NR5A1: variants seen among roughly 807,000 people sequenced by gnomAD.
The protein encoded by NR5A1 is nuclear receptor subfamily 5 group A member 1.
In NR5A1, 6 loss-of-function variants were observed where a neutral mutation model predicts 42.7. That is an observed-to-expected ratio of 0.14 (90% CI 0.08 to 0.28). NR5A1 has a LOEUF of 0.28. Ranked by LOEUF, NR5A1 falls within the 10% of genes least tolerant of loss-of-function variation. The pLI, the probability that NR5A1 is intolerant of heterozygous loss-of-function variation, is 1.00. For synonymous variants in NR5A1, 274 were observed against 277.5 expected, an observed-to-expected ratio of 0.99 and a Z score of 0.12; for missense variants, 442 against 626.4, an observed-to-expected ratio of 0.71 and a Z score of 3.14.
At chr9:124,506,142 C>G (rs1326515046) in intron 1 of NR5A1, among the ~76,000 whole-genome samples, 4 of 152,232 alleles carry the variant, frequency 2.6e-5, no homozygotes, top group Non-Finnish European at 5.9e-5. Flanking sequence ...CAGAGAACCC[C>G]CCGCGCAGAC....
chr9:124,503,279 G>A lies in NR5A1; in HGVS notation c.102+15C>T, dbSNP rs1832496080. 2 of 1,607,764 alleles carry A rather than the reference G, an allele frequency of 1.2e-6. No individual in the cohort carries two copies. The highest frequency in any genetic ancestry group is 1.7e-5 in the Admixed American group (1 of 59,498). On this transcript the variant is annotated intron_variant, in intron 2 of 6. Coordinates refer to ENST00000373588, the MANE Select transcript of NR5A1 (RefSeq NM_004959.5). The surrounding 1 kb of genome is among the most constrained non-coding windows in gnomAD (Gnocchi z 9.6). ...CGCCCGTCTGCCGCACCCCTGCCGC[G>A]CGCTCGCCGCTCACCTTGCAGCTCT...
chr9:124,489,077 AGAGAAG>A (rs1832264640), intron 6 of NR5A1, among the ~76,000 whole-genome samples: 1 of 152,256 alleles, frequency 6.6e-6, no homozygotes, highest in Non-Finnish European at 1.5e-5. Context: ...CTTAAGTCCC[AGAGAAG>A]GAGAAGTCCT....
rs994537016 is a variant in NR5A1 at position 124,500,346 on chromosome 9, G to A, written c.614C>T (p.Pro205Leu). 1.9e-6 allele frequency: 3 copies of A among 1,556,430 alleles called. No individual in the cohort carries two copies. The highest frequency in any genetic ancestry group is 2.7e-5 in the African/African-American group (2 of 73,382). ...SEYPEPYASP[P>L]QPGLPYGYPE... ...GTAGCCGTACGGCAGCCCAGGCTGTGGGGGGCTGGCATAAGGCTCCGGGTA... is the reference window on the plus strand; with the variant it reads ...GTAGCCGTACGGCAGCCCAGGCTGTAGGGGGCTGGCATAAGGCTCCGGGTA... The change falls in exon 4 of 7, where the codon CCA becomes CTA. Residue 205 changes from proline (P) to leucine (L), a missense_variant. Physicochemically the swap from Pro to Leu is moderately conservative, Grantham distance 98. Around this residue, in one of 3 missense-constraint regions of NR5A1, gnomAD observed 208 missense variants for 203.8 expected, o/e 1.02. Coordinates refer to ENST00000373588, the MANE Select transcript of NR5A1 (RefSeq NM_004959.5). This position sits in a 1 kb window ranked among gnomAD's most constrained non-coding sequence, Gnocchi z 6.9.
At chr9:124,487,938 G>A (rs925598599) in intron 6 of NR5A1, among the ~76,000 whole-genome samples, 1 of 152,162 alleles carries the variant, frequency 6.6e-6, no homozygotes, top group African/African-American at 2.4e-5. Context: ...GATAAAATGC[G>A]AATTTCATCA....
At chr9:124,502,983 G>T (rs899463881) in intron 3 of NR5A1, 96 bp downstream of exon 3, 3 of 1,452,330 alleles carry the variant, frequency 2.1e-6, no homozygotes, top group Non-Finnish European at 2.7e-6. Flanking sequence ...CCTTCGCGAA[G>T]GCCAATGGTA....
rs113148818 is a variant in NR5A1 at position 124,495,448 on chromosome 9, C to G, written c.871-2299G>C. ...ACAGAGGCCTGCCGGAGGCAACACTCGGGCTTCAGGCAGCTGGGCTCTGCC... is the reference window on the plus strand; with the variant it reads ...ACAGAGGCCTGCCGGAGGCAACACTGGGGCTTCAGGCAGCTGGGCTCTGCC... On this transcript the variant is annotated intron_variant, in intron 4 of 6. Transcript: ENST00000373588. Among the ~76,000 whole-genome samples the G allele has an allele frequency of 4.7e-3, 712 of 152,350 alleles. 5 individuals are homozygous for G. Among genetic ancestry groups the G allele is most frequent in the African/African-American group, 0.016 (662 of 41,582 alleles).
chr9:124,503,144 G>A lies in NR5A1; in HGVS notation c.179C>T (p.Thr60Met), dbSNP rs1198949266. Reference sequence around the variant, plus strand: ...GCAGAAGGGACAGCGCTTGCGCTGCGTCTTGTCGATCTTGCAGCTCTGGCT... The same window carrying A: ...GCAGAAGGGACAGCGCTTGCGCTGCATCTTGTCGATCTTGCAGCTCTGGCT... The part of the protein sequence containing the change: ...TESQSCKIDK[T>M]QRKRCPFCRF... The change falls in exon 3 of 7, where the codon ACG (threonine) becomes ATG (methionine). Residue 60 changes from threonine (T) to methionine (M), a missense_variant. Thr to Met is a moderately conservative substitution (Grantham distance 81). Transcript: ENST00000373588. The surrounding 1 kb of genome is among the most constrained non-coding windows in gnomAD (Gnocchi z 9.6). 6.3e-7 allele frequency: 1 copy of A among 1,598,590 alleles called. No homozygotes were observed.
chr9:124,482,722 C>A lies in NR5A1; in HGVS notation c.*36G>T. The stretch of plus-strand genomic sequence containing the variant: ...GCCCCGCCCAGGCCCCGCCCCCAGT[C>A]CCGCCCCCAGTCCCGGCCCCGCCCC... On this transcript the variant is annotated 3_prime_UTR_variant, in exon 7 of 7. Coordinates refer to ENST00000373588, the MANE Select transcript of NR5A1 (RefSeq NM_004959.5). 1 of 364,166 alleles carries A rather than the reference C, an allele frequency of 2.7e-6. No individual in the cohort carries two copies. Among genetic ancestry groups the A allele is most frequent in the Non-Finnish European group, 5.3e-6 (1 of 189,702 alleles). 22.6% of individuals were successfully genotyped at this position (364,166 alleles called of 1,614,324 possible). A position where few individuals can be genotyped will look rare whatever the true frequency, so the allele number is the denominator to read the frequency against.
chr9:124,491,036 C>CCCCCCCCTGGGGG, intron 6 of NR5A1, 45 bp downstream of exon 6: 1 of 1,401,600 alleles, frequency 7.1e-7, no homozygotes, highest in Non-Finnish European at 9.6e-7. Flanking sequence ...CCCACCCACC[C>CCCCCCCCTGGGGG]GCCTCTGGCT....
At chr9:124,490,653 G>A (rs1238457623) in intron 6 of NR5A1, among the ~76,000 whole-genome samples, 1 of 152,080 alleles carries the variant, frequency 6.6e-6, no homozygotes, top group Non-Finnish European at 1.5e-5. Context: ...GGCTTGGGGG[G>A]TTTTTGCTCA....
chr9:124,503,910 G>C lies in NR5A1; in HGVS notation c.-15-500C>G, dbSNP rs1047922021. Among the ~76,000 whole-genome samples, 45 of 152,078 alleles carry C rather than the reference G, an allele frequency of 3.0e-4. No individual in the cohort carries two copies. The highest frequency in any genetic ancestry group is 5.7e-4 in the Non-Finnish European group (39 of 68,008). On this transcript the variant is annotated intron_variant, in intron 1 of 6. Transcript: ENST00000373588. This position sits in a 1 kb window ranked among gnomAD's most constrained non-coding sequence, Gnocchi z 9.6. Reference sequence around the variant, plus strand: ...GCGAGAGACAACGACCGACGCCACCGGGCGCAGACACGAGGCCAGTCCGAG... The same window carrying C: ...GCGAGAGACAACGACCGACGCCACCCGGCGCAGACACGAGGCCAGTCCGAG...
Position 124,499,961 on chromosome 9 carries a change from C to A in NR5A1, c.870+129G>T. ...ATGCTCCTTAATGTCCCCAGGGTGG[C>A]CTCCGGGTCCCCAGGTACTGCCTGA... On this transcript the variant is annotated intron_variant, in intron 4 of 6. Coordinates refer to ENST00000373588, the MANE Select transcript of NR5A1 (RefSeq NM_004959.5). 2.9e-6 allele frequency: 4 copies of A among 1,371,444 alleles called. No homozygotes were observed. In the South Asian group the frequency reaches 4.8e-5, roughly 16 times the overall value. 85.0% of individuals were successfully genotyped at this position (1,371,444 alleles called of 1,614,324 possible). A position where few individuals can be genotyped will look rare whatever the true frequency, so the allele number is the denominator to read the frequency against.
chr9:124,505,714 G>A (rs1364649235), intron 1 of NR5A1, among the ~76,000 whole-genome samples: 2 of 152,158 alleles, frequency 1.3e-5, no homozygotes, highest in Non-Finnish European at 2.9e-5. Context: ...CTCTACGGGC[G>A]CAGGAGCTGG....
At chr9:124,492,961 G>A (rs1832339380) in intron 5 of NR5A1, 69 bp downstream of exon 5, 1 of 1,485,896 alleles carries the variant, frequency 6.7e-7, no homozygotes, top group Non-Finnish European at 9.0e-7. Context: ...CCTCTCCGGG[G>A]CCCTGAATCC....
At chr9:124,491,328 G>T (rs1264324025) in intron 5 of NR5A1, 100 bp from the exon 6 acceptor site, 9 of 950,526 alleles carry the variant, frequency 9.5e-6, no homozygotes, top group South Asian at 1.6e-5. Context: ...TGGATTGGAG[G>T]TGCAGGTCAG....
chr9:124,488,731 CAG>C (rs1189563780), intron 6 of NR5A1, among the ~76,000 whole-genome samples: 1 of 152,216 alleles, frequency 6.6e-6, no homozygotes, highest in Admixed American at 6.5e-5. Flanking sequence ...AATAGAAGCT[CAG>C]AGAGGGGAGT....
chr9:124,491,036 C>CCCCCCCCCGGGGGGT, intron 6 of NR5A1, 45 bp downstream of exon 6: 3 of 1,401,602 alleles, frequency 2.1e-6, no homozygotes, highest in Non-Finnish European at 2.9e-6. Flanking sequence ...CCCACCCACC[C>CCCCCCCCCGGGGGGT]GCCTCTGGCT....
chr9:124,494,644 A>G (rs1832361175), intron 4 of NR5A1, among the ~76,000 whole-genome samples: 1 of 151,970 alleles, frequency 6.6e-6, no homozygotes, highest in African/African-American at 2.4e-5. Context: ...AGACAAGCAC[A>G]GAGAGCAGAG....
intron 6 of NR5A1, 124 bp from the exon 7 acceptor site, chr9:124,483,129 G>A (rs1443289724): frequency 5.6e-6 from 9 of 1,593,424 alleles, no homozygotes; most frequent in Non-Finnish European, 7.7e-6. Flanking sequence ...GGGCATTGCT[G>A]CCACCAACCA....
Sources: gnomAD v4.1 joint callset for allele counts (sites outside exome capture counted in the v4.1 genomes callset) on GRCh38, gnomAD v4.1.1 for gene constraint, gnomAD v4.1.1 regional missense constraint, Gnocchi (gnomAD v3.1) non-coding constraint, MANE v1.5 for transcripts, NCBI Gene and HGNC (gene_info 2026-07-23, HGNC 2026-07-21) for gene names.